The following TUBGCP2 variants were observed in gnomAD, a reference collection of about 807,000 sequenced individuals.
TUBGCP2 encodes tubulin gamma complex component 2, also known as gamma-tubulin complex component 2.
In TUBGCP2, 55 loss-of-function variants were observed where a neutral mutation model predicts 92.2. The observed-to-expected ratio is 0.60, with a 90% CI of 0.48 to 0.75. The LOEUF (loss-of-function observed/expected upper bound fraction) is 0.75, where lower values mean the gene tolerates loss of function less well. TUBGCP2 is among the 30% of genes least tolerant of loss of function. TUBGCP2 has a pLI of 0.00. For synonymous variants in TUBGCP2, 533 were observed against 505.2 expected, an observed-to-expected ratio of 1.06 and a Z score of -0.74; for missense variants, 1,093 against 1,188.9, an observed-to-expected ratio of 0.92 and a Z score of 1.19.
chr10:133,300,277 T>A, intron 2 of TUBGCP2, 164 bp from the exon 3 acceptor site: 1 of 859,852 alleles, frequency 1.2e-6, no homozygotes, highest in South Asian at 1.9e-5. Flanking sequence ...CATATTGTGT[T>A]AAACTTATCC....
At chr10:133,309,753 C>A (rs375506916), upstream of TUBGCP2, 1 of 1,611,640 alleles carries the variant, frequency 6.2e-7, no homozygotes, top group African/African-American at 1.3e-5. Flanking sequence ...AGGAAGGGCT[C>A]CTGAAGCACG....
intron 1 of TUBGCP2, among the ~76,000 whole-genome samples, chr10:133,306,834 T>C (rs1317934386): frequency 6.6e-6 from 1 of 152,154 alleles, no homozygotes; most frequent in African/African-American, 2.4e-5. Flanking sequence ...GGAAACTTCG[T>C]ATCTCTTCTA....
upstream of TUBGCP2, chr10:133,311,489 G>C: frequency 2.1e-6 from 1 of 483,500 alleles, no homozygotes; most frequent in Non-Finnish European, 3.6e-6. Context: ...GATTGTTACA[G>C]TTAAGTTTAT....
chr10:133,293,921 T>C (rs1277007612), intron 5 of TUBGCP2, 152 bp from the exon 6 acceptor site: 1 of 828,426 alleles, frequency 1.2e-6, no homozygotes, highest in Non-Finnish European at 1.9e-6. Context: ...CTGACCCCAC[T>C]GGGGAGCCAC....
chr10:133,292,790 G>A (rs946257592), intron 7 of TUBGCP2, 102 bp from the exon 8 acceptor site: 2 of 1,385,542 alleles, frequency 1.4e-6, no homozygotes, highest in Non-Finnish European at 2.0e-6. Flanking sequence ...CCTTCTTCCT[G>A]GGACGGTGCT....
At chr10:133,297,512 T>C in intron 5 of TUBGCP2, 1 of 401,786 alleles carries the variant, frequency 2.5e-6, no homozygotes, top group Non-Finnish European at 4.8e-6. Context: ...CACCCGCATC[T>C]TGTTTACACG....
At chr10:133,282,189 C>A (rs1368871757) in intron 16 of TUBGCP2, 34 bp downstream of exon 16, 1 of 1,610,528 alleles carries the variant, frequency 6.2e-7, no homozygotes, top group Admixed American at 1.7e-5. Flanking sequence ...CGGGAGGAAG[C>A]GTCTCTCTCT....
Position 133,287,279 on chromosome 10 carries a change from C to A in TUBGCP2, c.1722+850G>T, listed in dbSNP as rs866311536. Among the ~76,000 whole-genome samples the A allele has an allele frequency of 2.0e-5, 3 of 152,260 alleles. No individual in the cohort carries two copies. In the South Asian group the frequency reaches 6.2e-4, roughly 32 times the overall value. Reference sequence around the variant, plus strand: ...CTCAAAAGTCTCCAACAAAGACAAACCCAGGGCCCAAGAGCTCCCAGGCAA... The same window carrying A: ...CTCAAAAGTCTCCAACAAAGACAAAACCAGGGCCCAAGAGCTCCCAGGCAA... On this transcript the variant is annotated intron_variant, in intron 11 of 17. Transcript: ENST00000252936.
At chr10:133,309,324 C>G (rs1194604026), upstream of TUBGCP2, 2 of 1,554,238 alleles carry the variant, frequency 1.3e-6, no homozygotes, top group Admixed American at 1.8e-5. Flanking sequence ...CGGGTGTGGG[C>G]GAGGCCTGAC....
chr10:133,308,766 CCTGGCAGTCCCCCAACCCCCTCATCA>C, intron 1 of TUBGCP2, 31 bp downstream of exon 1: 1 of 361,922 alleles, frequency 2.8e-6, no homozygotes, highest in Non-Finnish European at 4.8e-6. Flanking sequence ...CCCCCCCGGG[CCTGGCAGTCCCCCAACCCCCTCATCA>C]CGCCCGCGCC....
At chr10:133,305,558 G>A (rs890810939) in intron 1 of TUBGCP2, among the ~76,000 whole-genome samples, 2 of 151,840 alleles carry the variant, frequency 1.3e-5, no homozygotes, top group Admixed American at 6.6e-5. Flanking sequence ...CTCCGCACAC[G>A]AGGAGAAAAA....
chr10:133,307,989 C>A (rs1167917247), intron 1 of TUBGCP2, among the ~76,000 whole-genome samples: 1 of 152,162 alleles, frequency 6.6e-6, no homozygotes, highest in African/African-American at 2.4e-5. Context: ...CTCACGCCTG[C>A]AGTTACAGCT....
intron 8 of TUBGCP2, chr10:133,290,939 C>T (rs1411454514): frequency 6.4e-6 from 1 of 155,248 alleles, no homozygotes; most frequent in Non-Finnish European, 1.4e-5. Context: ...ACAACGGTAT[C>T]TTGACGTAAT....
chr10:133,312,154 T>TAGCG, upstream of TUBGCP2: 1 of 1,433,844 alleles, frequency 7.0e-7, no homozygotes, highest in Non-Finnish European at 9.1e-7. Context: ...GGCGTCTGCC[T>TAGCG]TAATAGCATC....
chr10:133,289,807 C>CACCCGCTGCGCCAAGGACCCCAGGTCCCT lies in TUBGCP2; in HGVS notation c.1360+16_1360+17insAGGGACCTGGGGTCCTTGGCGCAGCGGGT. ...AGCTGTGCTGCGCACCCCAAGTCCC[C>CACCCGCTGCGCCAAGGACCCCAGGTCCCT]GCCCGCTGCGCCGCACCTGTGCTGA... On this transcript the variant is annotated intron_variant, in intron 9 of 17. Coordinates refer to ENST00000252936, the MANE Select transcript of TUBGCP2 (RefSeq NM_006659.4). The CACCCGCTGCGCCAAGGACCCCAGGTCCCT allele has an allele frequency of 1.9e-6, 3 of 1,559,446 alleles. No individual in the cohort carries two copies. Among genetic ancestry groups the CACCCGCTGCGCCAAGGACCCCAGGTCCCT allele is most frequent in the Non-Finnish European group, 2.6e-6 (3 of 1,150,710 alleles).
rs781074536 is a variant in TUBGCP2 at position 133,293,650 on chromosome 10, A to G, written c.736T>C (p.Phe246Leu). ...AGGTCCAGGTTGGGGTCCACGAGGAAGGTCCGGCTCTGCCTCCCAGCCAGG... is the reference window on the plus strand; with the variant it reads ...AGGTCCAGGTTGGGGTCCACGAGGAGGGTCCGGCTCTGCCTCCCAGCCAGG... Reference protein sequence around the residue: ...QPLAGRQSRTFLVDPNLDLSI... With the variant: ...QPLAGRQSRTLLVDPNLDLSI... Residue 246 changes from phenylalanine to leucine, a missense_variant, in exon 6 of 18, where the codon TTC becomes CTC. Physicochemically the swap from Phe to Leu is conservative, Grantham distance 22 (BLOSUM62 0). Coordinates refer to ENST00000252936, the MANE Select transcript of TUBGCP2 (RefSeq NM_006659.4). The G allele has an allele frequency of 6.3e-7, 1 of 1,589,844 alleles. No individual in the cohort carries two copies. The highest frequency in any genetic ancestry group is 1.3e-5 in the African/African-American group (1 of 74,702).
intron 5 of TUBGCP2, among the ~76,000 whole-genome samples, chr10:133,296,546 C>T (rs1387298628): frequency 1.3e-5 from 2 of 151,918 alleles, no homozygotes; most frequent in South Asian, 4.1e-4. Context: ...GGCACGATCA[C>T]AGCTCACTGC....
chr10:133,283,723 CG>C (rs67681147), intron 14 of TUBGCP2, among the ~76,000 whole-genome samples, 158 bp downstream of exon 14: 1 of 139,648 alleles, frequency 7.2e-6, no homozygotes, highest in Non-Finnish European at 1.5e-5. Flanking sequence ...CTGCCTCTCC[CG>C]CACTCCCTGC....
In TUBGCP2 at chr10:133,285,664, T is replaced by C; in HGVS notation, c.1723-36A>G. The C allele has an allele frequency of 6.7e-7, 1 of 1,489,134 alleles. No individual in the cohort carries two copies. Among genetic ancestry groups the C allele is most frequent in the South Asian group, 1.5e-5 (1 of 67,886 alleles). 92.2% of individuals were successfully genotyped at this position (1,489,134 alleles called of 1,614,324 possible). A position where few individuals can be genotyped will look rare whatever the true frequency, so the allele number is the denominator to read the frequency against. On this transcript the variant is annotated intron_variant, in intron 11 of 17. Transcript: ENST00000252936. This position sits in a 1 kb window ranked among gnomAD's most constrained non-coding sequence, Gnocchi z 6.8. ...AGGAAATGAAACAAAGCATCCAGTTTTAAGGAAAAGACCCGAAGTCGCATC... is the reference window on the plus strand; with the variant it reads ...AGGAAATGAAACAAAGCATCCAGTTCTAAGGAAAAGACCCGAAGTCGCATC...
Sources: allele counts gnomAD v4.1 joint callset (sites outside exome capture counted in the v4.1 genomes callset), GRCh38; gene constraint gnomAD v4.1.1; non-coding constraint Gnocchi (gnomAD v3.1); transcripts MANE v1.5; gene names NCBI Gene and HGNC (gene_info 2026-07-23, HGNC 2026-07-21).